SYN3: variants seen among roughly 807,000 people sequenced by gnomAD.
SYN3 encodes the protein synapsin III.
In SYN3, 35 loss-of-function variants were observed where a neutral mutation model predicts 65.8. The observed-to-expected ratio is 0.53, with a 90% CI of 0.41 to 0.70. The LOEUF is 0.70. SYN3 is among the 30% of genes least tolerant of loss of function. The probability of loss-of-function intolerance (pLI) is 0.00; values close to 1 mark genes in which losing one functional copy is unlikely to be tolerated. For synonymous variants in SYN3, 270 were observed against 292.9 expected (o/e 0.92, Z 0.80); for missense variants, 680 against 749.0 (o/e 0.91, Z 1.08).
chr22:32,854,543 C>T (rs944477296), intron 6 of SYN3, among the ~76,000 whole-genome samples: 2 of 152,162 alleles, frequency 1.3e-5, no homozygotes, highest in African/African-American at 2.4e-5. Context: ...GGAACACCCA[C>T]ACAAAAATAA....
At chr22:32,572,841 C>T (rs1021146204) in intron 7 of SYN3, among the ~76,000 whole-genome samples, 1 of 152,190 alleles carries the variant, frequency 6.6e-6, no homozygotes, top group Non-Finnish European at 1.5e-5. Context: ...CTCTCACTGG[C>T]CCTCCTTGGC....
At chr22:32,943,991 A>G (rs890662001) in intron 3 of SYN3, among the ~76,000 whole-genome samples, 8 of 152,154 alleles carry the variant, frequency 5.3e-5, no homozygotes, top group Admixed American at 2.0e-4. Flanking sequence ...CTCCCACACA[A>G]TAATAATGGA....
At chr22:32,917,467 T>C (rs1254956171) in intron 4 of SYN3, among the ~76,000 whole-genome samples, 1 of 152,078 alleles carries the variant, frequency 6.6e-6, no homozygotes, top group East Asian at 1.9e-4. Context: ...TAAAAGGTGA[T>C]TGCTTCTGAA....
intron 6 of SYN3, among the ~76,000 whole-genome samples, chr22:32,826,950 C>A (rs1292761029): frequency 6.6e-6 from 1 of 152,182 alleles, no homozygotes; most frequent in Non-Finnish European, 1.5e-5. Context: ...TGAATCCAAG[C>A]CTCCAGCTCC....
At chr22:33,024,488 T>TC (rs36017184) in intron 1 of SYN3, among the ~76,000 whole-genome samples, 102,651 of 152,064 alleles carry the variant, frequency 0.68, 35,352 homozygotes, top group African/African-American at 0.77. Flanking sequence ...GGGACACTTG[T>TC]CCCCTAGGGA....
At chr22:32,949,431 T>C (rs1438483317) in intron 3 of SYN3, among the ~76,000 whole-genome samples, 1 of 151,768 alleles carries the variant, frequency 6.6e-6, no homozygotes, top group African/African-American at 2.4e-5. Flanking sequence ...AAAAAAAAGT[T>C]TTGGGTTTTG....
rs929551057 is a variant in SYN3, at chr22:32,659,804, G to A, written c.712-63068C>T. On this transcript the variant is annotated intron_variant, in intron 6 of 13. Transcript: ENST00000358763. Reference sequence around the variant, plus strand: ...AGGCAACCAGGTGGCAAGTTGGCCCGCCCACCAGTCCCAGTTCTAAAGAGT... The same window carrying A: ...AGGCAACCAGGTGGCAAGTTGGCCCACCCACCAGTCCCAGTTCTAAAGAGT... 3.3e-5 allele frequency among the ~76,000 whole-genome samples: 5 copies of A among 152,132 alleles called. No individual in the cohort carries two copies. The East Asian group carries it at 5.8e-4, about 18-fold the overall frequency.
intron 6 of SYN3, among the ~76,000 whole-genome samples, chr22:32,647,216 G>A (rs2059996023): frequency 1.3e-5 from 2 of 152,066 alleles, no homozygotes; most frequent in African/African-American, 4.8e-5. Context: ...AAATCCAAGG[G>A]GGTCAGCAGA....
chr22:33,055,352 A>G (rs1569425849), intron 1 of SYN3, among the ~76,000 whole-genome samples: 1 of 152,130 alleles, frequency 6.6e-6, no homozygotes, highest in Non-Finnish European at 1.5e-5. Context: ...TCCAACCACA[A>G]TAGCCTCCAT....
intron 5 of SYN3, among the ~76,000 whole-genome samples, chr22:32,865,774 TG>T (rs1219276314): frequency 6.6e-6 from 1 of 152,018 alleles, no homozygotes; most frequent in African/African-American, 2.4e-5. Flanking sequence ...AAGCTGAATA[TG>T]GGGGCAAGGC....
At chr22:32,692,693 T>G (rs2060681820) in intron 6 of SYN3, among the ~76,000 whole-genome samples, 1 of 152,204 alleles carries the variant, frequency 6.6e-6, no homozygotes, top group Non-Finnish European at 1.5e-5. Context: ...CTGAAGCCTT[T>G]TCTAGCTTCC....
intron 5 of SYN3, among the ~76,000 whole-genome samples, chr22:32,865,554 G>A (rs2146329132): frequency 6.6e-6 from 1 of 152,328 alleles, no homozygotes; most frequent in East Asian, 1.9e-4. Flanking sequence ...CAGAGGCAGT[G>A]CTTTGTCCAC....
chr22:32,666,898 G>A (rs2060296888), intron 6 of SYN3, among the ~76,000 whole-genome samples: 1 of 152,086 alleles, frequency 6.6e-6, no homozygotes, highest in South Asian at 2.1e-4. Flanking sequence ...TCCCCACCTC[G>A]ACCAAGCTCC....
intron 6 of SYN3, among the ~76,000 whole-genome samples, chr22:32,732,393 G>A (rs2061282324): frequency 6.6e-6 from 1 of 152,236 alleles, no homozygotes; most frequent in African/African-American, 2.4e-5. Context: ...CCATTATTGT[G>A]AAGTCAGATT....
In SYN3 at chr22:32,949,058, A is replaced by C. The variant is rs576233595; in HGVS notation, c.370-17577T>G. ...TTACCAGTTGAGCATCTCTAATCCC[A>C]AAATCCAAAATCTGAAATGCTCCAG... On this transcript the variant is annotated intron_variant, in intron 3 of 13. Coordinates refer to ENST00000358763, the MANE Select transcript of SYN3 (RefSeq NM_003490.4). Among the ~76,000 whole-genome samples the C allele has an allele frequency of 1.8e-3, 267 of 152,238 alleles. 1 individual carries two copies. Among genetic ancestry groups the C allele is most frequent in the Non-Finnish European group, 3.5e-3 (235 of 68,012 alleles).
At position 32,512,762 on chromosome 22, in the gene SYN3, C is replaced by T. The variant is rs550959967; in HGVS notation, c.*930G>A. On this transcript the variant is annotated 3_prime_UTR_variant, in exon 14 of 14. Coordinates refer to ENST00000358763, the MANE Select transcript of SYN3 (RefSeq NM_003490.4). Reference sequence around the variant, plus strand: ...ACTAGAAGTGACTATCATTGCACTTCGGATCCTATGTCATTGATCTGTTGA... The same window carrying T: ...ACTAGAAGTGACTATCATTGCACTTTGGATCCTATGTCATTGATCTGTTGA... 2.6e-5 allele frequency: 4 copies of T among 152,298 alleles called. No individual in the cohort carries two copies. The highest frequency in any genetic ancestry group is 1.9e-4 in the East Asian group (1 of 5,178). The allele number at this position is 152,298 out of a possible 1,614,324, so 9.4% of individuals were successfully genotyped here.
At chr22:32,858,174 TG>T in intron 6 of SYN3, 2 of 1,609,734 alleles carry the variant, frequency 1.2e-6, no homozygotes, top group Non-Finnish European at 1.7e-6. Context: ...GGAGGGGAGG[TG>T]CTGACTTGCA....
At chr22:32,611,284 GTTTTTTT>G (rs1201383074) in intron 6 of SYN3, among the ~76,000 whole-genome samples, 64 of 94,540 alleles carry the variant, frequency 6.8e-4, no homozygotes, top group East Asian at 6.6e-3. Flanking sequence ...TTTTTTTTTT[GTTTTTTT>G]TTTTTTTTTT....
At chr22:32,722,659 AG>A (rs1569173572) in intron 6 of SYN3, among the ~76,000 whole-genome samples, 2 of 152,204 alleles carry the variant, frequency 1.3e-5, no homozygotes, top group Non-Finnish European at 2.9e-5. Flanking sequence ...GATGCCTCAC[AG>A]GGGTGGGGAG....
Sources: gnomAD v4.1 joint callset for allele counts (sites outside exome capture counted in the v4.1 genomes callset) on GRCh38, gnomAD v4.1.1 for gene constraint, MANE v1.5 for transcripts, NCBI Gene and HGNC (gene_info 2026-07-23, HGNC 2026-07-21) for gene names.